ARHGAP42: variants seen among roughly 807,000 people sequenced by gnomAD.
ARHGAP42 encodes the protein rho GTPase-activating protein 42.
Under a neutral mutation model 125.0 loss-of-function variants are expected in ARHGAP42, and 63 were observed. That is an observed-to-expected ratio of 0.50 (90% CI 0.41 to 0.62). The LOEUF is 0.62. Among genes scored for constraint, ARHGAP42 ranks in the 20% least tolerant of loss-of-function variants. ARHGAP42 has a pLI of 0.00. For synonymous variants in ARHGAP42, 339 were observed against 351.0 expected, an observed-to-expected ratio of 0.97 and a Z score of 0.38; for missense variants, 766 against 1,024.2, an observed-to-expected ratio of 0.75 and a Z score of 3.44.
At chr11:100,962,758 C>G (rs946919323) in intron 16 of ARHGAP42, among the ~76,000 whole-genome samples, 1 of 152,056 alleles carries the variant, frequency 6.6e-6, no homozygotes, top group Admixed American at 6.5e-5. Flanking sequence ...TGCCTGTAAT[C>G]CCAGCTGCTC....
Position 100,938,238 on chromosome 11 carries a change from C to A in ARHGAP42, c.832+1906C>A, listed in dbSNP as rs57210160. 7.1e-3 allele frequency among the ~76,000 whole-genome samples: 1,077 copies of A among 152,148 alleles called. 65 individuals are homozygous for A. In the East Asian group the frequency reaches 0.15, roughly 21 times the overall value. On this transcript the variant is annotated intron_variant, in intron 8 of 23. Transcript: ENST00000298815. ...CTCAACTGCCTTCGCCCAGGTGAGA[C>A]CCTTGCAGTGACCTCCTAACTGTTC... is the stretch of plus-strand genomic sequence containing the variant.
chr11:100,905,111 G>A (rs970914330), intron 4 of ARHGAP42, among the ~76,000 whole-genome samples: 2 of 152,028 alleles, frequency 1.3e-5, no homozygotes, highest in Non-Finnish European at 2.9e-5. Context: ...CAACTTTTGT[G>A]TTTCTCCTCC....
chr11:100,822,839 G>C (rs2135079399), intron 3 of ARHGAP42, among the ~76,000 whole-genome samples: 1 of 152,266 alleles, frequency 6.6e-6, no homozygotes, highest in South Asian at 2.1e-4. Flanking sequence ...AGTGGCAACA[G>C]GAACTAACCC....
At chr11:100,825,239 C>T (rs1479035603) in intron 3 of ARHGAP42, among the ~76,000 whole-genome samples, 2 of 152,014 alleles carry the variant, frequency 1.3e-5, no homozygotes, top group African/African-American at 4.8e-5. Flanking sequence ...ATTATATTGT[C>T]CTTATATTAT....
chr11:100,934,933 C>A (rs898356640), intron 7 of ARHGAP42, among the ~76,000 whole-genome samples: 3 of 152,036 alleles, frequency 2.0e-5, no homozygotes, highest in African/African-American at 7.2e-5. Context: ...TGTATTTAGG[C>A]TTTTACAGTT....
At chr11:100,821,508 T>C (rs533710917) in intron 3 of ARHGAP42, among the ~76,000 whole-genome samples, 1 of 151,900 alleles carries the variant, frequency 6.6e-6, no homozygotes, top group Non-Finnish European at 1.5e-5. Flanking sequence ...ATCATCCCAT[T>C]GTTCTATCAG....
intron 3 of ARHGAP42, among the ~76,000 whole-genome samples, chr11:100,843,862 G>C (rs1322137694): frequency 1.3e-5 from 2 of 152,036 alleles, no homozygotes; most frequent in Non-Finnish European, 2.9e-5. Context: ...TTGTGAAAAA[G>C]ACCATACTGC....
chr11:100,987,176 A>G (rs1013921398), intron 22 of ARHGAP42, among the ~76,000 whole-genome samples: 2 of 152,234 alleles, frequency 1.3e-5, no homozygotes, highest in African/African-American at 4.8e-5. Flanking sequence ...TCGTTCCTAC[A>G]TAGCTGTAAA....
chr11:100,985,920 G>C (rs765811179), intron 22 of ARHGAP42, among the ~76,000 whole-genome samples: 1 of 152,200 alleles, frequency 6.6e-6, no homozygotes, highest in African/African-American at 2.4e-5. Flanking sequence ...GCTGCTTTGG[G>C]AGAGCTGTGG....
rs376235470 is a variant in ARHGAP42, at chr11:100,906,777, T to C, written c.385-6675T>C. On this transcript the variant is annotated intron_variant, in intron 4 of 23. Coordinates refer to ENST00000298815, the MANE Select transcript of ARHGAP42 (RefSeq NM_152432.4). The stretch of plus-strand genomic sequence containing the variant: ...AATTTCTGTAAATTATGTTGTTTTA[T>C]GTATCTATTTGTTTTAAATTTTTCT... Among the ~76,000 whole-genome samples the C allele has an allele frequency of 3.9e-4, 59 of 152,372 alleles. 2 individuals are homozygous for C. In the East Asian group the frequency reaches 0.01, roughly 26 times the overall value.
At chr11:100,975,477 A>T (rs564185189) in intron 19 of ARHGAP42, among the ~76,000 whole-genome samples, 1 of 152,318 alleles carries the variant, frequency 6.6e-6, no homozygotes, top group African/African-American at 2.4e-5. Flanking sequence ...AACCAGCAAA[A>T]TAGCCAGTTT....
chr11:100,849,298 C>T (rs2070809185), intron 3 of ARHGAP42, among the ~76,000 whole-genome samples: 1 of 152,078 alleles, frequency 6.6e-6, no homozygotes, highest in Non-Finnish European at 1.5e-5. Context: ...GTAAGAAAGG[C>T]TTTTGACAGC....
At chr11:100,905,991 C>T (rs1424938371) in intron 4 of ARHGAP42, among the ~76,000 whole-genome samples, 1 of 152,196 alleles carries the variant, frequency 6.6e-6, no homozygotes, top group Admixed American at 6.5e-5. Flanking sequence ...CCAGATAATA[C>T]CTTCTCCATT....
rs534050469 is a variant in ARHGAP42, at chr11:100,720,955, GT to G, written c.154+33134del. ...CTATAGTTATACAGAATTTTTTTAA[GT>G]TTTTTTTTTTAACTGAGCAGATAAT... On this transcript the variant is annotated intron_variant, in intron 1 of 23. Coordinates refer to ENST00000298815, the MANE Select transcript of ARHGAP42 (RefSeq NM_152432.4). 2.5e-3 allele frequency among the ~76,000 whole-genome samples: 360 copies of G among 146,834 alleles called. 2 individuals are homozygous for G. The highest frequency in any genetic ancestry group is 7.1e-3 in the African/African-American group (287 of 40,328).
At chr11:100,803,538 G>A (rs894186345) in intron 3 of ARHGAP42, among the ~76,000 whole-genome samples, 2 of 152,130 alleles carry the variant, frequency 1.3e-5, no homozygotes, top group African/African-American at 2.4e-5. Flanking sequence ...GAACTGAGAG[G>A]AAGCTTTTTG....
intron 2 of ARHGAP42, among the ~76,000 whole-genome samples, chr11:100,778,015 A>T (rs575501146): frequency 2.6e-5 from 4 of 152,210 alleles, no homozygotes; most frequent in Non-Finnish European, 5.9e-5. Context: ...GTTCTATAAA[A>T]AGTAAAAATT....
intron 3 of ARHGAP42, among the ~76,000 whole-genome samples, chr11:100,814,982 G>A (rs1864231915): frequency 6.6e-6 from 1 of 152,230 alleles, no homozygotes. Flanking sequence ...GTTTACATAA[G>A]ATGTGAGTTG....
At chr11:100,950,408 T>C (rs1404200053) in intron 12 of ARHGAP42, among the ~76,000 whole-genome samples, 1 of 150,620 alleles carries the variant, frequency 6.6e-6, no homozygotes, top group Admixed American at 6.6e-5. Flanking sequence ...AGAGCTTCTT[T>C]GTCTTATTTT....
intron 3 of ARHGAP42, among the ~76,000 whole-genome samples, chr11:100,827,294 C>T (rs1424799917): frequency 2.0e-5 from 3 of 152,290 alleles, no homozygotes; most frequent in Non-Finnish European, 4.4e-5. Flanking sequence ...TGAGCCACAA[C>T]GTCCGGCCAA....
Sources: gnomAD v4.1 joint callset for allele counts (sites outside exome capture counted in the v4.1 genomes callset) on GRCh38, gnomAD v4.1.1 for gene constraint, MANE v1.5 for transcripts, NCBI Gene and HGNC (gene_info 2026-07-23, HGNC 2026-07-21) for gene names.